The following PCDH9 variants were observed in gnomAD, a reference collection of about 807,000 sequenced individuals.
PCDH9 encodes protocadherin 9.
A neutral mutation model predicts 70.6 loss-of-function variants in PCDH9; 24 were observed. That is an observed-to-expected ratio of 0.34 (90% CI 0.25 to 0.48). The LOEUF is 0.48. Among genes scored for constraint, PCDH9 ranks in the 20% least tolerant of loss-of-function variants. The probability of loss-of-function intolerance (pLI) is 0.99; values close to 1 mark genes in which losing one functional copy is unlikely to be tolerated. For missense variants in PCDH9, 1,281 were observed against 1,503.6 expected, an observed-to-expected ratio of 0.85 and a Z score of 2.45; for synonymous variants, 562 against 558.5, an observed-to-expected ratio of 1.01 and a Z score of -0.09.
At position 66,304,068 on chromosome 13, in the gene PCDH9, AT is replaced by A. The variant is rs910514922; in HGVS notation, c.*586del. 1 of 152,436 alleles carries A rather than the reference AT, an allele frequency of 6.6e-6. No individual in the cohort carries two copies. The highest frequency in any genetic ancestry group is 2.4e-5 in the African/African-American group (1 of 41,420). 9.4% of individuals were successfully genotyped at this position (152,436 alleles called of 1,614,324 possible). Reference sequence around the variant, plus strand: ...ATAAAACACAGAATTATGCTACAACATTTTTAGGTGAACATTATAAGTACAC... The same window carrying A: ...ATAAAACACAGAATTATGCTACAACATTTTAGGTGAACATTATAAGTACAC... On this transcript the variant is annotated 3_prime_UTR_variant, in exon 5 of 5. Transcript: ENST00000377865.
intron 4 of PCDH9, among the ~76,000 whole-genome samples, chr13:66,503,981 A>G (rs1409831411): frequency 6.6e-6 from 1 of 152,210 alleles, no homozygotes; most frequent in African/African-American, 2.4e-5. Flanking sequence ...CTGTGTCGTA[A>G]CTACGTGTCC....
intron 4 of PCDH9, among the ~76,000 whole-genome samples, chr13:66,450,265 C>T (rs971844093): frequency 2.2e-4 from 34 of 152,030 alleles, no homozygotes; most frequent in Non-Finnish European, 4.4e-4. Context: ...AATTTAATAG[C>T]ATATATTACG....
intron 2 of PCDH9, among the ~76,000 whole-genome samples, chr13:66,936,597 C>A (rs986065742): frequency 6.6e-6 from 1 of 152,106 alleles, no homozygotes; most frequent in Admixed American, 6.5e-5. Flanking sequence ...AACAAAATCT[C>A]TTTACATAGG....
At chr13:66,803,458 C>A (rs73210283) in intron 3 of PCDH9, among the ~76,000 whole-genome samples, 2,713 of 152,246 alleles carry the variant, frequency 0.018, 40 homozygotes, top group Non-Finnish European at 0.028. Flanking sequence ...ATGCTCCTCA[C>A]CAGGCACTTA....
At chr13:66,550,816 A>G (rs1274236683) in intron 4 of PCDH9, among the ~76,000 whole-genome samples, 1 of 152,202 alleles carries the variant, frequency 6.6e-6, no homozygotes, top group East Asian at 1.9e-4. Context: ...ATTTTTATCA[A>G]CGAACACTCA....
chr13:67,097,734 C>A (rs985912427), intron 2 of PCDH9, among the ~76,000 whole-genome samples: 2 of 152,104 alleles, frequency 1.3e-5, no homozygotes, highest in Admixed American at 6.5e-5. Context: ...TGGGAAAAAG[C>A]ATTTATAAGT....
intron 4 of PCDH9, among the ~76,000 whole-genome samples, chr13:66,383,421 T>C (rs930359964): frequency 6.6e-6 from 1 of 152,178 alleles, no homozygotes. Flanking sequence ...CTGGGGAAGG[T>C]ACAATGTCAT....
intron 4 of PCDH9, among the ~76,000 whole-genome samples, chr13:66,598,779 A>G (rs2138838716): frequency 6.6e-6 from 1 of 152,046 alleles, no homozygotes; most frequent in Admixed American, 6.6e-5. Flanking sequence ...GAAAACTAAC[A>G]GATCTTGTAT....
At chr13:67,091,962 G>A (rs1284794649) in intron 2 of PCDH9, among the ~76,000 whole-genome samples, 1 of 152,104 alleles carries the variant, frequency 6.6e-6, no homozygotes, top group Non-Finnish European at 1.5e-5. Context: ...ATTATCAGGT[G>A]TGTAGGTTTT....
chr13:66,899,154 G>A (rs534242872), intron 3 of PCDH9, among the ~76,000 whole-genome samples: 14 of 151,996 alleles, frequency 9.2e-5, no homozygotes, highest in Non-Finnish European at 1.8e-4. Flanking sequence ...TCACTTATAC[G>A]CATTTAATGA....
chr13:66,469,039 TTG>T (rs1223538216), intron 4 of PCDH9, among the ~76,000 whole-genome samples: 2 of 152,148 alleles, frequency 1.3e-5, no homozygotes, highest in African/African-American at 4.8e-5. Flanking sequence ...TTTTTCTAAG[TTG>T]TGTGTGTGTG....
chr13:66,334,430 G>T (rs1049415247), intron 4 of PCDH9, among the ~76,000 whole-genome samples: 1 of 151,996 alleles, frequency 6.6e-6, no homozygotes, highest in Non-Finnish European at 1.5e-5. Context: ...GTGTGTGTTG[G>T]TCTTCAAACC....
intron 4 of PCDH9, among the ~76,000 whole-genome samples, chr13:66,535,836 T>A (rs1174297393): frequency 6.6e-6 from 1 of 151,966 alleles, no homozygotes; most frequent in Admixed American, 6.6e-5. Context: ...CCATATGATA[T>A]CATTGGCAGC....
At chr13:66,462,652 T>A (rs1227408669) in intron 4 of PCDH9, among the ~76,000 whole-genome samples, 1 of 151,804 alleles carries the variant, frequency 6.6e-6, no homozygotes, top group South Asian at 2.1e-4. Context: ...GATTCCCAGG[T>A]AATTCTAATA....
At chr13:66,375,299 G>C (rs775405469) in intron 4 of PCDH9, among the ~76,000 whole-genome samples, 23 of 152,024 alleles carry the variant, frequency 1.5e-4, no homozygotes, top group Admixed American at 3.3e-4. Context: ...TAGCAACCTG[G>C]AAACTTTTTA....
intron 4 of PCDH9, among the ~76,000 whole-genome samples, chr13:66,607,735 A>C (rs2077239068): frequency 6.6e-6 from 1 of 152,124 alleles, no homozygotes; most frequent in Non-Finnish European, 1.5e-5. Flanking sequence ...AACACTGTGC[A>C]GAGTGTTGGC....
At chr13:66,840,357 A>G (rs1002669934) in intron 3 of PCDH9, among the ~76,000 whole-genome samples, 5 of 152,230 alleles carry the variant, frequency 3.3e-5, no homozygotes, top group African/African-American at 1.2e-4. Flanking sequence ...AAGTATTTGG[A>G]AAATAAAAAT....
chr13:66,688,686 A>G (rs566094501), intron 3 of PCDH9, among the ~76,000 whole-genome samples: 1 of 152,294 alleles, frequency 6.6e-6, no homozygotes, highest in East Asian at 1.9e-4. Context: ...ATTATTACAG[A>G]AACCACTGTC....
intron 4 of PCDH9, among the ~76,000 whole-genome samples, chr13:66,492,148 G>A (rs558677216): frequency 6.6e-6 from 1 of 152,118 alleles, no homozygotes. Flanking sequence ...TTTGTCTTCT[G>A]TTGTGATACT....
Sources: gnomAD v4.1 joint callset for allele counts (sites outside exome capture counted in the v4.1 genomes callset) on GRCh38, gnomAD v4.1.1 for gene constraint, MANE v1.5 for transcripts, NCBI Gene and HGNC (gene_info 2026-07-23, HGNC 2026-07-21) for gene names.